The following CHST8 variants were observed in gnomAD, a reference collection of about 807,000 sequenced individuals.
CHST8 encodes the protein GALNAC-4-ST1.
Under a neutral mutation model 15.0 loss-of-function variants are expected in CHST8, and 10 were observed. The ratio of observed to expected loss-of-function variants is 0.67; its 90% CI spans 0.41 to 1.13. CHST8 has a LOEUF of 1.13. Among genes scored for constraint, CHST8 ranks in the 50% most tolerant of loss-of-function variants. The pLI is 0.00. For missense variants in CHST8, 634 were observed against 608.2 expected (o/e 1.04, Z -0.45); for synonymous variants, 259 against 256.6 (o/e 1.01, Z -0.09).
At chr19:33,643,955 C>T (rs575251445) in intron 1 of CHST8, among the ~76,000 whole-genome samples, 8 of 152,114 alleles carry the variant, frequency 5.3e-5, no homozygotes, top group East Asian at 3.9e-4. Context: ...TTTTTTGAAA[C>T]GGAGTCTCGC....
intron 3 of CHST8, among the ~76,000 whole-genome samples, chr19:33,710,861 C>A (rs972283373): frequency 2.7e-5 from 4 of 146,934 alleles, no homozygotes; most frequent in African/African-American, 1.0e-4. Flanking sequence ...TGCTTTTGGT[C>A]AATTTCTGGA....
At chr19:33,658,713 A>G (rs1451838802) in intron 1 of CHST8, among the ~76,000 whole-genome samples, 1 of 151,934 alleles carries the variant, frequency 6.6e-6, no homozygotes, top group Non-Finnish European at 1.5e-5. Flanking sequence ...GATATTCTGG[A>G]GTTTTACCAA....
intron 3 of CHST8, among the ~76,000 whole-genome samples, chr19:33,732,189 C>T (rs1335667230): frequency 3.9e-5 from 6 of 152,204 alleles, no homozygotes; most frequent in Non-Finnish European, 7.3e-5. Context: ...AGGTCAAGCA[C>T]ATTTGGCCGT....
intron 3 of CHST8, among the ~76,000 whole-genome samples, chr19:33,752,949 A>T (rs759398666): frequency 6.6e-6 from 1 of 152,208 alleles, no homozygotes; most frequent in African/African-American, 2.4e-5. Context: ...CTTGTGTTCA[A>T]CAAAGATGGG....
intron 1 of CHST8, among the ~76,000 whole-genome samples, chr19:33,647,362 A>T (rs1332561417): frequency 1.3e-5 from 2 of 152,206 alleles, no homozygotes; most frequent in Non-Finnish European, 2.9e-5. Flanking sequence ...CTTTTGCCCA[A>T]TGCTGGTGGC....
At chr19:33,679,490 G>C (rs1211370426) in intron 2 of CHST8, among the ~76,000 whole-genome samples, 2 of 152,250 alleles carry the variant, frequency 1.3e-5, no homozygotes, top group African/African-American at 4.8e-5. Flanking sequence ...ATCTGTGTGA[G>C]TGTGCACACG....
At chr19:33,721,589 T>TATGGATGG (rs113422475) in intron 3 of CHST8, among the ~76,000 whole-genome samples, 15,068 of 125,586 alleles carry the variant, frequency 0.12, 1,055 homozygotes, top group African/African-American at 0.18. Context: ...TGAGTGGGCA[T>TATGGATGG]ATGGATGGAT....
At chr19:33,663,646 G>T (rs562578072) in intron 1 of CHST8, among the ~76,000 whole-genome samples, 4 of 152,246 alleles carry the variant, frequency 2.6e-5, no homozygotes, top group Admixed American at 2.6e-4. Context: ...AGAGGCAGGC[G>T]GATCACTTGA....
intron 1 of CHST8, among the ~76,000 whole-genome samples, chr19:33,632,215 C>T (rs1192054987): frequency 6.6e-6 from 1 of 151,650 alleles, no homozygotes; most frequent in African/African-American, 2.4e-5. Context: ...TCTCAGCTCA[C>T]AGCAACCTCC....
intron 3 of CHST8, among the ~76,000 whole-genome samples, chr19:33,738,356 C>T (rs2145335874): frequency 6.6e-6 from 1 of 152,334 alleles, no homozygotes; most frequent in Non-Finnish European, 1.5e-5. Flanking sequence ...GATCTGTACA[C>T]ATTCAAACCC....
intron 1 of CHST8, among the ~76,000 whole-genome samples, chr19:33,622,779 G>T (rs1261767094): frequency 6.6e-6 from 1 of 152,166 alleles, no homozygotes; most frequent in Non-Finnish European, 1.5e-5. Context: ...AGTGGCCTTG[G>T]CTTCCTACCC....
intron 2 of CHST8, among the ~76,000 whole-genome samples, chr19:33,670,936 A>G (rs1375214377): frequency 2.6e-5 from 4 of 152,198 alleles, no homozygotes; most frequent in Admixed American, 2.6e-4. Context: ...AAACTGAGGC[A>G]TGAAGAGGTT....
chr19:33,622,756 T>C (rs1316271193), intron 1 of CHST8, among the ~76,000 whole-genome samples: 1 of 152,046 alleles, frequency 6.6e-6, no homozygotes. Flanking sequence ...GCAGAGACTA[T>C]GGGGGAAGTT....
intron 2 of CHST8, among the ~76,000 whole-genome samples, chr19:33,682,681 A>G (rs1164177559): frequency 6.6e-6 from 1 of 152,246 alleles, no homozygotes; most frequent in African/African-American, 2.4e-5. Context: ...GGCTTGCTTC[A>G]CTTAACATGA....
rs1463930792 is a variant in CHST8, at chr19:33,680,170, GATA to G, written c.-86-9003_-86-9001del. 3.3e-5 allele frequency among the ~76,000 whole-genome samples: 5 copies of G among 152,304 alleles called. No individual in the cohort carries two copies. The East Asian group carries it at 7.7e-4, about 23-fold the overall frequency. On this transcript the variant is annotated intron_variant, in intron 2 of 4. Transcript: ENST00000650847. ...GAGAACCAAACCTGTGGCAAATAGG[GATA>G]ATGATTTTTACTTCAAAAGGTTATT...
At chr19:33,713,617 G>A (rs1973602228) in intron 3 of CHST8, among the ~76,000 whole-genome samples, 1 of 152,042 alleles carries the variant, frequency 6.6e-6, no homozygotes. Flanking sequence ...CCTGGCTGGA[G>A]TGCAGTGACA....
At chr19:33,713,556 CT>C (rs1254436671) in intron 3 of CHST8, among the ~76,000 whole-genome samples, 3 of 151,930 alleles carry the variant, frequency 2.0e-5, no homozygotes, top group African/African-American at 7.3e-5. Context: ...GGCACTGGGG[CT>C]TTTTTTGTTT....
At chr19:33,623,602 C>T (rs1396030934) in intron 1 of CHST8, among the ~76,000 whole-genome samples, 1 of 152,198 alleles carries the variant, frequency 6.6e-6, no homozygotes, top group Non-Finnish European at 1.5e-5. Context: ...GGTAACCTTT[C>T]TCTTCTGAGT....
chr19:33,660,659 C>T (rs1389356773), intron 1 of CHST8, among the ~76,000 whole-genome samples: 4 of 152,178 alleles, frequency 2.6e-5, no homozygotes, highest in East Asian at 1.9e-4. Context: ...ATCAGCAACC[C>T]GGAGTTTACT....
Sources: gnomAD v4.1 joint callset for allele counts (sites outside exome capture counted in the v4.1 genomes callset) on GRCh38, gnomAD v4.1.1 for gene constraint, MANE v1.5 for transcripts, NCBI Gene and HGNC (gene_info 2026-07-23, HGNC 2026-07-21) for gene names.